TOP1MT: variants seen among roughly 807,000 people sequenced by gnomAD.
The protein encoded by TOP1MT is DNA topoisomerase I, mitochondrial.
Under a neutral mutation model 73.9 loss-of-function variants are expected in TOP1MT, and 80 were observed. The observed-to-expected ratio is 1.08, with a 90% CI of 0.90 to 1.30. The LOEUF is 1.30. Among genes scored for constraint, TOP1MT ranks in the 50% most tolerant of loss-of-function variants. The pLI is 0.00. For synonymous variants in TOP1MT, 338 were observed against 326.4 expected (o/e 1.04, Z -0.38); for missense variants, 815 against 808.0 (o/e 1.01, Z -0.10).
At chr8:143,317,652 A>G in intron 10 of TOP1MT, 71 bp downstream of exon 10, 1 of 1,407,766 alleles carries the variant, frequency 7.1e-7, no homozygotes, top group Admixed American at 1.8e-5. Flanking sequence ...AACAAGGGCC[A>G]GCCGGGGAGC....
chr8:143,327,716 G>T, intron 3 of TOP1MT: 1 of 417,396 alleles, frequency 2.4e-6, no homozygotes, highest in Non-Finnish European at 4.8e-6. Flanking sequence ...CCGGGCAGCT[G>T]GTGCCACCTC....
chr8:143,331,206 C>A lies in TOP1MT; in HGVS notation c.238+18G>T. The A allele has an allele frequency of 6.3e-7, 1 of 1,578,378 alleles. No individual in the cohort carries two copies. The highest frequency in any genetic ancestry group is 2.3e-5 in the East Asian group (1 of 44,156). On this transcript the variant is annotated intron_variant, in intron 2 of 13. Coordinates refer to ENST00000329245, the MANE Select transcript of TOP1MT (RefSeq NM_052963.3). ...AACCAAGCGCAGGCTGGGGAGGAGC[C>A]GCTCCCTGCATCCTTACCTTCATAG... is the stretch of plus-strand genomic sequence containing the variant.
At chr8:143,347,633 G>A (rs1400964473), upstream of TOP1MT, among the ~76,000 whole-genome samples, 3 of 152,124 alleles carry the variant, frequency 2.0e-5, no homozygotes, top group Non-Finnish European at 4.4e-5. Context: ...TATTACAAAT[G>A]GCAACTAAAT....
At chr8:143,332,649 T>C (rs1217310743) in intron 1 of TOP1MT, 2 of 1,066,236 alleles carry the variant, frequency 1.9e-6, no homozygotes, top group Admixed American at 4.7e-5. Context: ...AGGGCCTTTC[T>C]GGCTGTTTCT....
At chr8:143,357,407 A>C (rs1817430387), upstream of TOP1MT, among the ~76,000 whole-genome samples, 1 of 119,580 alleles carries the variant, frequency 8.4e-6, no homozygotes, top group Non-Finnish European at 1.5e-5. Context: ...CCTTGTCTCA[A>C]AAAAAAAAAA....
chr8:143,356,238 C>T (rs964014370), upstream of TOP1MT, among the ~76,000 whole-genome samples: 1 of 152,218 alleles, frequency 6.6e-6, no homozygotes, highest in African/African-American at 2.4e-5. Context: ...TACAGTTCAA[C>T]CAAAGCCTGG....
chr8:143,325,382 C>T lies in TOP1MT; in HGVS notation c.635G>A (p.Arg212Lys), dbSNP rs746507403. Residue 212 changes from arginine (R) to lysine (K), a missense_variant, in exon 5 of 14, where the codon AGG (arginine) becomes AAG (lysine). Coordinates refer to ENST00000329245, the MANE Select transcript of TOP1MT (RefSeq NM_052963.3). Reference sequence around the variant, plus strand: ...GATAACCACATCCTCTGGCGTGATCCTTCTCTTCAGCATCCCCATCTTGGG... The same window carrying T: ...GATAACCACATCCTCTGGCGTGATCTTTCTCTTCAGCATCCCCATCTTGGG... ...DHPKMGMLKR[R>K]ITPEDVVINC... 1.2e-6 allele frequency: 2 copies of T among 1,607,488 alleles called. No homozygotes were observed. The highest frequency in any genetic ancestry group is 1.7e-6 in the Non-Finnish European group (2 of 1,174,696).
chr8:143,355,237 C>T (rs1226490700), intron 1 of TOP1MT: 2 of 152,198 alleles, frequency 1.3e-5, no homozygotes, highest in East Asian at 3.8e-4. Context: ...TTAAACAGCT[C>T]CTGCGTTCCA....
At chr8:143,332,601 T>G in intron 1 of TOP1MT, 1 of 1,284,244 alleles carries the variant, frequency 7.8e-7, no homozygotes, top group Non-Finnish European at 1.0e-6. Flanking sequence ...CTCTGAAGGG[T>G]CTGAGAGGGG....
At chr8:143,318,177 G>T in intron 8 of TOP1MT, 91 bp from the exon 9 acceptor site, 1 of 1,218,704 alleles carries the variant, frequency 8.2e-7, no homozygotes, top group Non-Finnish European at 1.2e-6. Flanking sequence ...GGGAGCCCAC[G>T]GGAGGCTTCC....
chr8:143,353,705 G>A (rs2450752), intron 1 of TOP1MT, among the ~76,000 whole-genome samples: 17,176 of 151,932 alleles, frequency 0.11, 3,293 homozygotes, highest in African/African-American at 0.39. Context: ...TATTGGGGCC[G>A]GACATGGTGG....
chr8:143,323,693 CACACACAGGCACACCA>C (rs1458288186), intron 7 of TOP1MT, among the ~76,000 whole-genome samples: 8 of 17,730 alleles, frequency 4.5e-4, no homozygotes, highest in South Asian at 4.2e-3. Flanking sequence ...ATGCACGCCA[CACACACAGGCACACCA>C]CACACATGCA....
intron 10 of TOP1MT, 152 bp downstream of exon 10, chr8:143,317,571 A>T: frequency 1.5e-6 from 1 of 675,108 alleles, no homozygotes. Context: ...CTGGCCACCT[A>T]GGCTGCCAAG....
At chr8:143,356,785 C>CAA (rs1161995816), upstream of TOP1MT, among the ~76,000 whole-genome samples, 575 of 25,938 alleles carry the variant, frequency 0.022, 76 homozygotes, top group African/African-American at 0.084. Flanking sequence ...GACTCTGTCT[C>CAA]AAAAAAAAAA....
intron 7 of TOP1MT, among the ~76,000 whole-genome samples, chr8:143,321,873 A>ACACACGCATG (rs1816411619): frequency 1.5e-4 from 5 of 32,426 alleles, no homozygotes; most frequent in Non-Finnish European, 3.2e-4. Context: ...CCACACGCAC[A>ACACACGCATG]CCACACGCAC....
rs576195148 is a variant in TOP1MT at position 143,316,369 on chromosome 8, G to A, written c.1331-243C>T. Among the ~76,000 whole-genome samples, 16 of 147,652 alleles carry A rather than the reference G, an allele frequency of 1.1e-4. No individual in the cohort carries two copies. The South Asian group carries it at 1.4e-3, about 13-fold the overall frequency. Reference sequence around the variant, plus strand: ...GGCCACAGCACAGGTAGCACCACCCGGGCCTTCCCAGGCCCCATGGCAAGG... The same window carrying A: ...GGCCACAGCACAGGTAGCACCACCCAGGCCTTCCCAGGCCCCATGGCAAGG... On this transcript the variant is annotated intron_variant, in intron 10 of 13. Transcript: ENST00000329245.
At chr8:143,350,423 C>T (rs1246505298) in intron 1 of TOP1MT, 1 of 152,242 alleles carries the variant, frequency 6.6e-6, no homozygotes. Flanking sequence ...CCTCCATCTC[C>T]CGGGTTCAAG....
At chr8:143,321,149 C>G in intron 8 of TOP1MT, 52 bp downstream of exon 8, 2 of 1,498,900 alleles carry the variant, frequency 1.3e-6, no homozygotes, top group Non-Finnish European at 1.8e-6. Flanking sequence ...CCCCAGACAT[C>G]CAGAGCAAAT....
At chr8:143,337,243 T>C (rs1438010399), upstream of TOP1MT, among the ~76,000 whole-genome samples, 1 of 151,988 alleles carries the variant, frequency 6.6e-6, no homozygotes, top group Non-Finnish European at 1.5e-5. Flanking sequence ...CTAAAACGTC[T>C]CTACTAAAAA....
Sources: allele counts gnomAD v4.1 joint callset (sites outside exome capture counted in the v4.1 genomes callset), GRCh38; gene constraint gnomAD v4.1.1; transcripts MANE v1.5; gene names NCBI Gene and HGNC (gene_info 2026-07-23, HGNC 2026-07-21).